Variants in TYW1 observed in about 807,000 individuals in gnomAD.
The protein encoded by TYW1 is S-adenosyl-L-methionine-dependent tRNA 4-demethylwyosine synthase TYW1.
Under a neutral mutation model 96.2 loss-of-function variants are expected in TYW1, and 46 were observed. The ratio of observed to expected loss-of-function variants is 0.48; its 90% CI spans 0.38 to 0.61. The LOEUF is 0.61. Among genes scored for constraint, TYW1 ranks in the 20% least tolerant of loss-of-function variants. TYW1 has a pLI of 0.00. For synonymous variants in TYW1, 274 were observed against 323.0 expected (o/e 0.85, Z 1.63); for missense variants, 684 against 909.6 (o/e 0.75, Z 3.19).
chr7:67,156,880 G>C (rs1370756741), intron 13 of TYW1, among the ~76,000 whole-genome samples: 2 of 151,590 alleles, frequency 1.3e-5, no homozygotes, highest in African/African-American at 4.9e-5. Flanking sequence ...ACCAGGCTTA[G>C]GGCTTGTGAG....
At chr7:67,153,537 G>A (rs1264732040) in intron 13 of TYW1, among the ~76,000 whole-genome samples, 1 of 152,184 alleles carries the variant, frequency 6.6e-6, no homozygotes, top group Non-Finnish European at 1.5e-5. Context: ...TTGTTTTAAT[G>A]TATCATGCTA....
chr7:67,050,987 G>A (rs1795338337), intron 8 of TYW1, among the ~76,000 whole-genome samples: 1 of 151,858 alleles, frequency 6.6e-6, no homozygotes, highest in Admixed American at 6.6e-5. Context: ...TGCCTCCTGG[G>A]TTCAAGTGAT....
At chr7:67,041,041 A>T (rs188054757) in intron 7 of TYW1, among the ~76,000 whole-genome samples, 1 of 152,238 alleles carries the variant, frequency 6.6e-6, no homozygotes, top group African/African-American at 2.4e-5. Flanking sequence ...TATGAGCTTT[A>T]AGCAGCTGGT....
At chr7:67,175,998 A>G (rs1431256969) in intron 13 of TYW1, among the ~76,000 whole-genome samples, 1 of 152,184 alleles carries the variant, frequency 6.6e-6, no homozygotes, top group East Asian at 1.9e-4. Flanking sequence ...TACATAAACA[A>G]TCCTTTCCAA....
chr7:67,098,508 A>G, intron 11 of TYW1, 33 bp from the exon 12 acceptor site: 1 of 1,519,478 alleles, frequency 6.6e-7, no homozygotes, highest in Middle Eastern at 1.8e-4. Flanking sequence ...TCTGTGCCTT[A>G]TGTAGCTGGG....
At chr7:67,011,811 C>G (rs578255812) in intron 4 of TYW1, among the ~76,000 whole-genome samples, 1 of 149,054 alleles carries the variant, frequency 6.7e-6, no homozygotes, top group Non-Finnish European at 1.5e-5. Flanking sequence ...AGGCGGAGGT[C>G]GCAGTGAGCC....
At chr7:67,032,971 A>G (rs1256170760) in intron 7 of TYW1, among the ~76,000 whole-genome samples, 1 of 129,158 alleles carries the variant, frequency 7.7e-6, no homozygotes, top group Non-Finnish European at 1.5e-5. Flanking sequence ...ATCTCAGCTC[A>G]CTGCAACCTC....
At chr7:67,170,439 G>A (rs796222470) in intron 13 of TYW1, among the ~76,000 whole-genome samples, 4 of 152,138 alleles carry the variant, frequency 2.6e-5, no homozygotes, top group Non-Finnish European at 5.9e-5. Flanking sequence ...TGCATTTTGG[G>A]ATCAGCTTTT....
chr7:67,122,448 A>C (rs1381819049), intron 13 of TYW1, among the ~76,000 whole-genome samples: 1 of 152,216 alleles, frequency 6.6e-6, no homozygotes, highest in Non-Finnish European at 1.5e-5. Context: ...TCAGGTTATA[A>C]AAATATTATG....
intron 15 of TYW1, among the ~76,000 whole-genome samples, chr7:67,197,920 C>T (rs10235586): frequency 0.23 from 33,692 of 144,714 alleles, 4,131 homozygotes; most frequent in Middle Eastern, 0.29. Flanking sequence ...CTTTTGCTCC[C>T]GTTCTCTCTC....
intron 12 of TYW1, among the ~76,000 whole-genome samples, chr7:67,115,514 C>T (rs1797566490): frequency 6.6e-6 from 1 of 152,178 alleles, no homozygotes; most frequent in Admixed American, 6.5e-5. Flanking sequence ...GTCAGAGCCT[C>T]TCCACTTTCA....
intron 15 of TYW1, 140 bp from the exon 16 acceptor site, chr7:67,238,168 T>C: frequency 7.8e-7 from 1 of 1,275,620 alleles, no homozygotes; most frequent in Non-Finnish European, 1.1e-6. Context: ...ATGGAAGAGG[T>C]TTTTTTGTGT....
intron 13 of TYW1, among the ~76,000 whole-genome samples, chr7:67,157,707 T>G (rs758710507): frequency 6.6e-6 from 1 of 152,264 alleles, no homozygotes; most frequent in Non-Finnish European, 1.5e-5. Flanking sequence ...TTTAATGGAC[T>G]TACTTCCTTA....
intron 13 of TYW1, among the ~76,000 whole-genome samples, chr7:67,138,964 C>G (rs956805703): frequency 2.6e-5 from 4 of 151,630 alleles, no homozygotes; most frequent in African/African-American, 9.7e-5. Context: ...CTTCCATGTT[C>G]GATATACTGA....
In TYW1 at chr7:67,000,175, A is replaced by C. The variant is rs1332774314; in HGVS notation, c.273+1221A>C. ...GGTCTTAAACTCTTGGGCTCAAGCA[A>C]TCTGCCCGCCTCGGCCTCCTAAAGT... On this transcript the variant is annotated intron_variant, in intron 3 of 15. Transcript: ENST00000359626. 2.6e-5 allele frequency among the ~76,000 whole-genome samples: 4 copies of C among 152,052 alleles called. No homozygotes were observed. In the South Asian group the frequency reaches 8.3e-4, roughly 31 times the overall value.
At chr7:67,159,582 A>T (rs1799093181) in intron 13 of TYW1, among the ~76,000 whole-genome samples, 2 of 151,960 alleles carry the variant, frequency 1.3e-5, no homozygotes, top group South Asian at 4.1e-4. Flanking sequence ...CAGTATAACT[A>T]GCAGTCCAAA....
At chr7:67,020,255 G>A in intron 6 of TYW1, among the ~76,000 whole-genome samples, 1 of 152,252 alleles carries the variant, frequency 6.6e-6, no homozygotes, top group Admixed American at 6.5e-5. Context: ...GGTGGCTCAG[G>A]CCTGTAAATC....
At chr7:67,212,284 A>G (rs367664656) in intron 15 of TYW1, among the ~76,000 whole-genome samples, 397 of 143,748 alleles carry the variant, frequency 2.8e-3, no homozygotes, top group African/African-American at 9.9e-3. Flanking sequence ...ACTTAGCAAT[A>G]TGCATTTAAG....
intron 12 of TYW1, among the ~76,000 whole-genome samples, chr7:67,099,135 C>T (rs1265232161): frequency 6.6e-6 from 1 of 151,836 alleles, no homozygotes; most frequent in Non-Finnish European, 1.5e-5. Context: ...AAGTGATTCT[C>T]CTGTCTCAGC....
Sources: allele counts gnomAD v4.1 joint callset (sites outside exome capture counted in the v4.1 genomes callset), GRCh38; gene constraint gnomAD v4.1.1; transcripts MANE v1.5; gene names NCBI Gene and HGNC (gene_info 2026-07-23, HGNC 2026-07-21).